The following SH3BGRL variants were observed in gnomAD, a reference collection of about 807,000 sequenced individuals.
SH3BGRL encodes the protein adapter SH3BGRL.
Under a neutral mutation model 9.8 loss-of-function variants are expected in SH3BGRL, and 7 were observed. That is an observed-to-expected ratio of 0.72 (90% confidence interval 0.41 to 1.35). SH3BGRL has a LOEUF of 1.35. Ranked by LOEUF, SH3BGRL falls within the 40% of genes most tolerant of loss-of-function variation. The pLI, the probability that SH3BGRL is intolerant of heterozygous loss-of-function variation, is 0.01. For missense variants in SH3BGRL, 73 were observed against 84.4 expected (o/e 0.86, Z 0.53); for synonymous variants, 36 against 29.1 (o/e 1.24, Z -0.76).
chrX:81,259,140 G>C (rs1314603081), intron 1 of SH3BGRL, among the ~76,000 whole-genome samples: 1 of 111,822 alleles, frequency 8.9e-6, no homozygotes, highest in Non-Finnish European at 1.9e-5. Flanking sequence ...TACCAAATTT[G>C]GTTTGCATAT....
chrX:81,222,278 C>T (rs959343750), intron 1 of SH3BGRL, among the ~76,000 whole-genome samples: 3 of 107,660 alleles, frequency 2.8e-5, no homozygotes, highest in South Asian at 8.5e-4. Context: ...CCCATTAACT[C>T]GTCATTTAAC....
At chrX:81,208,035 T>G (rs926074152) in intron 1 of SH3BGRL, among the ~76,000 whole-genome samples, 3 of 111,478 alleles carry the variant, frequency 2.7e-5, no homozygotes, top group African/African-American at 9.8e-5. Flanking sequence ...GCTAGGCGGA[T>G]CACGAGGTCA....
At chrX:81,211,714 C>T (rs755457720) in intron 1 of SH3BGRL, among the ~76,000 whole-genome samples, 16 of 111,595 alleles carry the variant, frequency 1.4e-4, no homozygotes, top group Non-Finnish European at 2.8e-4. Flanking sequence ...GGCCTAGCCT[C>T]CCACTTTACA....
rs1359699697 is a variant in SH3BGRL at position 81,298,052 on chromosome X, GT to G, written c.*827del. 1 of 111,723 alleles carries G rather than the reference GT, an allele frequency of 9.0e-6. No homozygotes were observed. Among genetic ancestry groups the G allele is most frequent in the Non-Finnish European group, 1.9e-5 (1 of 52,879 alleles). The allele number at this position is 111,723 out of a possible 1,213,427, so 9.2% of individuals were successfully genotyped here. ...CTTTTAAATAACTCTTATAAAACAG[GT>G]TGGCGATCATTTCCCAAGATTGGTT... On this transcript the variant is annotated 3_prime_UTR_variant, in exon 4 of 4. Transcript: ENST00000373212.
At chrX:81,286,755 G>A (rs913657819) in intron 3 of SH3BGRL, among the ~76,000 whole-genome samples, 2 of 110,949 alleles carry the variant, frequency 1.8e-5, no homozygotes, top group Non-Finnish European at 3.8e-5. Context: ...TGCCTTTATG[G>A]AATGATGTTT....
chrX:81,244,337 A>G (rs1311279926), intron 1 of SH3BGRL, among the ~76,000 whole-genome samples: 1 of 112,038 alleles, frequency 8.9e-6, no homozygotes, highest in Non-Finnish European at 1.9e-5. Context: ...GTAACAAAAC[A>G]TCACCTAAAC....
chrX:81,268,111 CT>C (rs2075764051), intron 1 of SH3BGRL, among the ~76,000 whole-genome samples: 1 of 110,990 alleles, frequency 9.0e-6, no homozygotes, highest in Non-Finnish European at 1.9e-5. Context: ...CTCTTTTCTT[CT>C]TTATTAGTCT....
At chrX:81,242,261 C>G (rs776872923) in intron 1 of SH3BGRL, among the ~76,000 whole-genome samples, 1 of 111,938 alleles carries the variant, frequency 8.9e-6, no homozygotes, top group African/African-American at 3.2e-5. Context: ...AACAAATCCA[C>G]ACATTTACAG....
intron 1 of SH3BGRL, among the ~76,000 whole-genome samples, chrX:81,265,062 A>G (rs1409777657): frequency 9.3e-6 from 1 of 107,690 alleles, no homozygotes; most frequent in Non-Finnish European, 1.9e-5. Context: ...AGTTTTTGAG[A>G]AACATCCTTT....
At chrX:81,245,814 C>T (rs1369781629) in intron 1 of SH3BGRL, among the ~76,000 whole-genome samples, 1 of 111,254 alleles carries the variant, frequency 9.0e-6, no homozygotes, top group African/African-American at 3.3e-5. Context: ...TCTTTTTGGT[C>T]GAATGATTTT....
At chrX:81,265,328 T>C (rs1048755415) in intron 1 of SH3BGRL, among the ~76,000 whole-genome samples, 7 of 108,201 alleles carry the variant, frequency 6.5e-5, no homozygotes, top group African/African-American at 2.4e-4. Flanking sequence ...GTCACCTACA[T>C]TAGGTATTTC....
At chrX:81,222,127 T>C (rs1350927502) in intron 1 of SH3BGRL, among the ~76,000 whole-genome samples, 1 of 112,457 alleles carries the variant, frequency 8.9e-6, no homozygotes, top group Non-Finnish European at 1.9e-5. Context: ...CGTCTAAGAT[T>C]ACAGAAATCT....
intron 1 of SH3BGRL, among the ~76,000 whole-genome samples, chrX:81,213,334 T>C (rs138919392): frequency 0.011 from 1,281 of 112,380 alleles, 19 homozygotes; most frequent in African/African-American, 0.039. Flanking sequence ...ATATTTGAAG[T>C]TGGAATGGTA....
intron 1 of SH3BGRL, among the ~76,000 whole-genome samples, chrX:81,204,600 AAAC>A (rs1451738714): frequency 9.0e-6 from 1 of 111,129 alleles, no homozygotes; most frequent in Non-Finnish European, 1.9e-5. Flanking sequence ...TTAAAAAAAA[AAAC>A]AACAGATGTT....
intron 3 of SH3BGRL, among the ~76,000 whole-genome samples, chrX:81,286,082 T>C (rs759576069): frequency 3.3e-4 from 37 of 111,865 alleles, no homozygotes; most frequent in East Asian, 5.6e-4. Context: ...ATTGGATTGT[T>C]TAAAACAAGG....
At chrX:81,272,191 C>A (rs1462981249) in intron 1 of SH3BGRL, among the ~76,000 whole-genome samples, 1 of 31,198 alleles carries the variant, frequency 3.2e-5, no homozygotes, top group African/African-American at 1.3e-4. Flanking sequence ...AGTGAGACTG[C>A]GTCCAAAAAA....
At chrX:81,244,869 T>C (rs1225556317) in intron 1 of SH3BGRL, among the ~76,000 whole-genome samples, 1 of 111,194 alleles carries the variant, frequency 9.0e-6, no homozygotes, top group Non-Finnish European at 1.9e-5. Flanking sequence ...AAAGATTCTT[T>C]CCTGTCCAGA....
intron 3 of SH3BGRL, among the ~76,000 whole-genome samples, chrX:81,283,857 T>C (rs1203205661): frequency 1.8e-5 from 2 of 111,006 alleles, no homozygotes; most frequent in Non-Finnish European, 3.8e-5. Context: ...GGCATCCAAA[T>C]TGGTAAAAAG....
chrX:81,288,408 A>G (rs1011635569), intron 3 of SH3BGRL, among the ~76,000 whole-genome samples: 20 of 112,114 alleles, frequency 1.8e-4, no homozygotes, highest in African/African-American at 6.2e-4. Flanking sequence ...CACCACTGTT[A>G]TTTAACATAG....
Sources: allele counts gnomAD v4.1 joint callset (sites outside exome capture counted in the v4.1 genomes callset), GRCh38; gene constraint gnomAD v4.1.1; transcripts MANE v1.5; gene names NCBI Gene and HGNC (gene_info 2026-07-23, HGNC 2026-07-21).